The following FRMPD2 variants were observed in gnomAD, a reference collection of about 807,000 sequenced individuals.
The protein encoded by FRMPD2 is FERM and PDZ domain-containing protein 2.
FRMPD2 carries 96 observed loss-of-function variants against 140.1 expected under a neutral mutation model. That is an observed-to-expected ratio of 0.69 (90% CI 0.58 to 0.81). The LOEUF is 0.81. Ranked by LOEUF, FRMPD2 falls within the 40% of genes least tolerant of loss-of-function variation. The pLI is 0.00. For synonymous variants in FRMPD2, 449 were observed against 547.6 expected, an observed-to-expected ratio of 0.82 and a Z score of 2.52; for missense variants, 1,240 against 1,447.4, an observed-to-expected ratio of 0.86 and a Z score of 2.32.
At chr10:48,251,518 T>C (rs766063473) in intron 2 of FRMPD2, 48 bp downstream of exon 2, 2 of 1,605,984 alleles carry the variant, frequency 1.2e-6, no homozygotes, top group Non-Finnish European at 1.7e-6. Flanking sequence ...TGTGGGAAGC[T>C]TCACATACAA....
chr10:48,228,498 G>A (rs1839775439), intron 10 of FRMPD2, among the ~76,000 whole-genome samples: 1 of 151,850 alleles, frequency 6.6e-6, no homozygotes, highest in Non-Finnish European at 1.5e-5. Context: ...TCATTGTAGA[G>A]GAACAAAAGA....
intron 1 of FRMPD2, among the ~76,000 whole-genome samples, chr10:48,265,038 A>G (rs76341149): frequency 6.6e-6 from 1 of 152,232 alleles, no homozygotes; most frequent in African/African-American, 2.4e-5. Flanking sequence ...GGAACAGAAT[A>G]GACAGCCCAG....
Position 48,234,462 on chromosome 10 carries a change from C to A in FRMPD2, c.993+2020G>T, listed in dbSNP as rs575342036. On this transcript the variant is annotated intron_variant, in intron 9 of 28. Transcript: ENST00000374201. ...TAAGGGGAATCTGTTTTGTTCCCAA[C>A]ACCCACAGGGAAGCAGAAGGAAAGG... Among the ~76,000 whole-genome samples the A allele has an allele frequency of 1.4e-3, 217 of 152,278 alleles. 1 individual carries two copies. Among genetic ancestry groups the A allele is most frequent in the Admixed American group, 3.2e-3 (49 of 15,300 alleles).
chr10:48,202,262 A>G (rs1839104071), intron 14 of FRMPD2, among the ~76,000 whole-genome samples: 1 of 152,196 alleles, frequency 6.6e-6, no homozygotes, highest in Admixed American at 6.5e-5. Context: ...GCTTGCTCCT[A>G]TAAAGGTAAC....
intron 24 of FRMPD2, among the ~76,000 whole-genome samples, chr10:48,173,963 G>T (rs1275491898): frequency 1.3e-5 from 2 of 152,244 alleles, no homozygotes; most frequent in East Asian, 1.9e-4. Context: ...TGCTTAAGCT[G>T]CCAGGAGGCC....
At position 48,251,571 on chromosome 10, in the gene FRMPD2, C is replaced by A; in HGVS notation, c.146G>T (p.Arg49Leu). Residue 49 changes from arginine (R) to leucine (L), a missense_variant, in exon 2 of 29, where the codon CGC becomes CTC. By Grantham distance (102) the Arg-to-Leu change is moderately radical. Coordinates refer to ENST00000374201, the MANE Select transcript of FRMPD2 (RefSeq NM_001018071.4). The stretch of plus-strand genomic sequence containing the variant: ...GCCCCCAAACACTCTCTTACCGTTG[C>A]GGAGGTCTTCCAGGAGCTGCTCAGC... ...LAAEQLLEDL[R>L]NDSSDYVVCP... The A allele has an allele frequency of 6.2e-7, 1 of 1,614,144 alleles. No individual in the cohort carries two copies. The highest frequency in any genetic ancestry group is 8.5e-7 in the Non-Finnish European group (1 of 1,180,022).
At chr10:48,238,644 G>A (rs1840025570) in intron 7 of FRMPD2, among the ~76,000 whole-genome samples, 1 of 152,194 alleles carries the variant, frequency 6.6e-6, no homozygotes, top group Non-Finnish European at 1.5e-5. Context: ...ACTATGACAA[G>A]ACACTGTTAC....
chr10:48,223,249 T>C lies in FRMPD2; in HGVS notation c.1190A>G (p.Asp397Gly). The change falls in exon 11 of 29, where the codon GAC (aspartate) becomes GGC (glycine). Residue 397 changes from aspartate (D) to glycine (G), a missense_variant. Around this residue, in one of 6 missense-constraint regions of FRMPD2, gnomAD observed 1,161 missense variants for 1,055.9 expected, o/e 1.10. Transcript: ENST00000374201. ...YMKSKEFFFL[D>G]SETRLCKIAP... is the part of the protein sequence containing the mutation. ...TATTTTGCACAATCTGGTTTCACTGTCCAGGAAAAAGAACTCTTTGCCTGA... is the reference window on the plus strand; with the variant it reads ...TATTTTGCACAATCTGGTTTCACTGCCCAGGAAAAAGAACTCTTTGCCTGA... 6.2e-7 allele frequency: 1 copy of C among 1,613,324 alleles called. No homozygotes were observed. The highest frequency in any genetic ancestry group is 1.3e-5 in the African/African-American group (1 of 74,972).
chr10:48,161,705 A>T (rs1316404982), intron 28 of FRMPD2, among the ~76,000 whole-genome samples: 1 of 151,572 alleles, frequency 6.6e-6, no homozygotes, highest in East Asian at 1.9e-4. Context: ...CCCTGCAGAT[A>T]TTCAAGCAAA....
intron 22 of FRMPD2, among the ~76,000 whole-genome samples, chr10:48,176,677 A>AGTTTTT (rs565547325): frequency 0.011 from 1,649 of 152,266 alleles, 15 homozygotes; most frequent in African/African-American, 0.038. Flanking sequence ...TATATTTGTG[A>AGTTTTT]ATAACCCAAA....
At chr10:48,240,644 C>G in intron 5 of FRMPD2, 152 bp from the exon 6 acceptor site, 1 of 1,064,320 alleles carries the variant, frequency 9.4e-7, no homozygotes, top group Middle Eastern at 2.4e-4. Flanking sequence ...CCAGAATGTG[C>G]TCTGTGCCCA....
intron 18 of FRMPD2, 84 bp downstream of exon 18, chr10:48,185,469 G>T: frequency 1.1e-6 from 1 of 901,544 alleles, no homozygotes; most frequent in Non-Finnish European, 1.9e-6. Context: ...AGGGGAGTAG[G>T]CAAGTTGAAA....
At chr10:48,246,963 A>C (rs1400695033) in intron 3 of FRMPD2, among the ~76,000 whole-genome samples, 1 of 152,180 alleles carries the variant, frequency 6.6e-6, no homozygotes, top group Non-Finnish European at 1.5e-5. Flanking sequence ...AGCCCACTCC[A>C]CTTGCCATGC....
intron 1 of FRMPD2, among the ~76,000 whole-genome samples, chr10:48,266,280 C>T (rs1364521558): frequency 1.3e-5 from 2 of 152,190 alleles, no homozygotes; most frequent in African/African-American, 2.4e-5. Flanking sequence ...GGCTTAGTAC[C>T]AGGTTTATAA....
chr10:48,185,233 C>T (rs1361044389), intron 18 of FRMPD2, among the ~76,000 whole-genome samples: 2 of 152,136 alleles, frequency 1.3e-5, no homozygotes, highest in African/African-American at 4.8e-5. Flanking sequence ...AGAAAGTGGT[C>T]ACTAGTAAGA....
At chr10:48,206,657 C>T in intron 14 of FRMPD2, 91 bp downstream of exon 14, 1 of 985,582 alleles carries the variant, frequency 1.0e-6, no homozygotes, top group Non-Finnish European at 1.6e-6. Flanking sequence ...CAGGAGAAAG[C>T]CACATGACCC....
At chr10:48,235,321 G>A (rs1839942999) in intron 9 of FRMPD2, among the ~76,000 whole-genome samples, 1 of 152,230 alleles carries the variant, frequency 6.6e-6, no homozygotes, top group Non-Finnish European at 1.5e-5. Flanking sequence ...AGCGTGTGCT[G>A]CATAAATTGA....
At chr10:48,188,478 T>G (rs1199829021) in intron 16 of FRMPD2, among the ~76,000 whole-genome samples, 1 of 152,138 alleles carries the variant, frequency 6.6e-6, no homozygotes, top group Non-Finnish European at 1.5e-5. Flanking sequence ...CCACAGTGAC[T>G]GAGAACCCCA....
chr10:48,274,817 C>T (rs1270075702), upstream of FRMPD2: 1 of 502,878 alleles, frequency 2.0e-6, no homozygotes, highest in Non-Finnish European at 3.5e-6. Flanking sequence ...CACTGCCACC[C>T]CAGCAGCCTG....
Sources: gnomAD v4.1 joint callset for allele counts (sites outside exome capture counted in the v4.1 genomes callset) on GRCh38, gnomAD v4.1.1 for gene constraint, gnomAD v4.1.1 regional missense constraint, MANE v1.5 for transcripts, NCBI Gene and HGNC (gene_info 2026-07-23, HGNC 2026-07-21) for gene names.